COPG2: variants seen among roughly 807,000 people sequenced by gnomAD.
The protein encoded by COPG2 is coat protein complex I subunit gamma 2, also known as coatomer subunit gamma-2.
In COPG2, 37 loss-of-function variants were observed where a neutral mutation model predicts 46.3. That is an observed-to-expected ratio of 0.80 (90% CI 0.61 to 1.05). The LOEUF (loss-of-function observed/expected upper bound fraction) is 1.05. Among genes scored for constraint, COPG2 ranks in the 50% least tolerant of loss-of-function variants. The pLI is 0.00. For missense variants in COPG2, 427 were observed against 387.8 expected, an observed-to-expected ratio of 1.10 and a Z score of -0.85; for synonymous variants, 159 against 129.7, an observed-to-expected ratio of 1.23 and a Z score of -1.53.
At chr7:130,530,497 A>T (rs1156559267) in intron 20 of COPG2, among the ~76,000 whole-genome samples, 1 of 152,236 alleles carries the variant, frequency 6.6e-6, no homozygotes, top group African/African-American at 2.4e-5. Context: ...GTTCTTGAAG[A>T]GAAGGTGGGA....
In COPG2 at chr7:130,513,381, GTGTGTGTGTA is replaced by G. The variant is rs1554441342; in HGVS notation, c.2150-4732_2150-4723del. ...TGTGTATATATATATATATATGTGT[GTGTGTGTGTA>G]TATATATATATACACATATACATAT... On this transcript the variant is annotated intron_variant, in intron 20 of 23. Coordinates refer to ENST00000425248, the MANE Select transcript of COPG2 (RefSeq NM_012133.6). Among the ~76,000 whole-genome samples, 688 of 96,504 alleles carry G rather than the reference GTGTGTGTGTA, an allele frequency of 7.1e-3. 11 individuals carry two copies. The highest frequency in any genetic ancestry group is 0.012 in the East Asian group (36 of 2,964). 63.3% of individuals were successfully genotyped at this position (96,504 alleles called of 152,430 possible).
At chr7:130,506,875 T>C (rs1459996845) in intron 23 of COPG2, 69 bp from the exon 24 acceptor site, 3 of 699,334 alleles carry the variant, frequency 4.3e-6, no homozygotes, top group Non-Finnish European at 5.2e-6. Flanking sequence ...AAATTTATCA[T>C]GCTATCCCTG....
intron 1 of COPG2, among the ~76,000 whole-genome samples, chr7:130,668,297 G>A (rs1199832748): frequency 6.6e-6 from 1 of 151,958 alleles, no homozygotes; most frequent in Non-Finnish European, 1.5e-5. Context: ...ACCCCTGGAC[G>A]CGGAGACGCG....
At chr7:130,665,885 A>G (rs1462425920) in intron 3 of COPG2, among the ~76,000 whole-genome samples, 2 of 152,092 alleles carry the variant, frequency 1.3e-5, no homozygotes, top group Non-Finnish European at 2.9e-5. Flanking sequence ...AACAGCAGCA[A>G]GCAGAATCTA....
At chr7:130,630,473 A>G (rs1795208047) in intron 5 of COPG2, among the ~76,000 whole-genome samples, 1 of 152,220 alleles carries the variant, frequency 6.6e-6, no homozygotes, top group Non-Finnish European at 1.5e-5. Flanking sequence ...TTTTCTACAT[A>G]GACAATGTCA....
intron 6 of COPG2, among the ~76,000 whole-genome samples, chr7:130,616,569 G>A (rs1487410710): frequency 2.0e-5 from 3 of 152,086 alleles, no homozygotes; most frequent in South Asian, 2.1e-4. Flanking sequence ...CAGCCTGGGC[G>A]AAAGCACGAG....
chr7:130,624,359 G>A (rs1795083908), intron 5 of COPG2, among the ~76,000 whole-genome samples: 1 of 152,132 alleles, frequency 6.6e-6, no homozygotes, highest in Non-Finnish European at 1.5e-5. Flanking sequence ...TGTTGTAAAT[G>A]GGGTTCTATC....
At chr7:130,514,979 C>T (rs1291159795) in intron 20 of COPG2, among the ~76,000 whole-genome samples, 6 of 152,102 alleles carry the variant, frequency 3.9e-5, no homozygotes, top group African/African-American at 1.4e-4. Flanking sequence ...TCAGTAGACT[C>T]GCTCTTGATG....
chr7:130,617,044 TC>T lies in COPG2; in HGVS notation c.344del (p.Gly115GlufsTer30). On this transcript the variant is annotated frameshift_variant, in exon 6 of 24. Coordinates refer to ENST00000425248, the MANE Select transcript of COPG2 (RefSeq NM_012133.6). LOFTEE classifies it high-confidence loss of function. ...CCGGGCCTCGGTATACATCTTCTTT[TC>T]CAGTCATGTCTTTAGTCAGACTAAG... ...VTSSLTKDMT[G>X]KEDVYRGPAI... 1 of 1,610,196 alleles carries T rather than the reference TC, an allele frequency of 6.2e-7. No individual in the cohort carries two copies. Among genetic ancestry groups the T allele is most frequent in the Non-Finnish European group, 8.5e-7 (1 of 1,177,310 alleles).
At chr7:130,645,297 G>A (rs1554457985) in intron 5 of COPG2, 9 of 609,848 alleles carry the variant, frequency 1.5e-5, no homozygotes, top group East Asian at 8.1e-5. Context: ...ACTCCTTCAC[G>A]ACGCAATGGG....
intron 5 of COPG2, among the ~76,000 whole-genome samples, chr7:130,640,164 T>G (rs964687507): frequency 1.4e-5 from 2 of 139,854 alleles, no homozygotes; most frequent in Admixed American, 1.4e-4. Context: ...CAACCTTTTT[T>G]TTTTTTTTTT....
Position 130,646,973 on chromosome 7 carries a change from A to G in COPG2, c.323+5896T>C, listed in dbSNP as rs1216211527. On this transcript the variant is annotated intron_variant, in intron 5 of 23. Transcript: ENST00000425248. The stretch of plus-strand genomic sequence containing the variant: ...TATATATATGCATATATATATGTGT[A>G]TATATATATGTATATATATATATGT... 1.8e-3 allele frequency among the ~76,000 whole-genome samples: 160 copies of G among 88,398 alleles called. 1 individual carries two copies. Among genetic ancestry groups the G allele is most frequent in the African/African-American group, 0.016 (138 of 8,548 alleles). 58.0% of individuals were successfully genotyped at this position (88,398 alleles called of 152,430 possible).
At chr7:130,604,525 T>G (rs555748972) in intron 9 of COPG2, among the ~76,000 whole-genome samples, 2 of 152,350 alleles carry the variant, frequency 1.3e-5, no homozygotes, top group South Asian at 4.1e-4. Context: ...ACTTCGGATA[T>G]TGACCAGCAA....
chr7:130,631,756 GCAGT>G (rs1387177166), intron 5 of COPG2, among the ~76,000 whole-genome samples: 2 of 151,520 alleles, frequency 1.3e-5, no homozygotes, highest in East Asian at 1.9e-4. Context: ...TTTTCTTTAA[GCAGT>G]CAATTAACTT....
intron 5 of COPG2, among the ~76,000 whole-genome samples, chr7:130,618,378 T>A (rs1326496964): frequency 3.9e-5 from 6 of 152,158 alleles, no homozygotes; most frequent in African/African-American, 1.4e-4. Flanking sequence ...ATTTTAAAAA[T>A]ATTCTGTAAT....
intron 20 of COPG2, among the ~76,000 whole-genome samples, chr7:130,515,508 G>A (rs1043769361): frequency 6.6e-6 from 1 of 152,180 alleles, no homozygotes; most frequent in Non-Finnish European, 1.5e-5. Context: ...TGAGATTTGA[G>A]TAGGGATACA....
chr7:130,511,548 G>C (rs1407180250), intron 20 of COPG2: 1 of 519,830 alleles, frequency 1.9e-6, no homozygotes, highest in Non-Finnish European at 3.8e-6. Flanking sequence ...AATGGTACTG[G>C]AAAGCAACAT....
chr7:130,522,553 T>G (rs1293252815), intron 20 of COPG2, among the ~76,000 whole-genome samples: 2 of 151,878 alleles, frequency 1.3e-5, no homozygotes, highest in African/African-American at 4.8e-5. Flanking sequence ...TGTAGATCTT[T>G]AAGAGAAATC....
chr7:130,550,517 A>C lies in COPG2; in HGVS notation c.1774+7T>G. 1 of 395,674 alleles carries C rather than the reference A, an allele frequency of 2.5e-6. No homozygotes were observed. Among genetic ancestry groups the C allele is most frequent in the Non-Finnish European group, 4.5e-6 (1 of 224,298 alleles). The allele number at this position is 395,674 out of a possible 1,614,324, so 24.5% of individuals were successfully genotyped here. A position where few individuals can be genotyped will look rare whatever the true frequency, so the allele number is the denominator to read the frequency against. ...TACTTATACACAGAAAAATGAATAGAGTGAACCTGCTTTCTGTTCAAAGAC... is the reference window on the plus strand; with the variant it reads ...TACTTATACACAGAAAAATGAATAGCGTGAACCTGCTTTCTGTTCAAAGAC... On this transcript the variant is annotated splice_region_variant and intron_variant, in intron 17 of 23. Coordinates refer to ENST00000425248, the MANE Select transcript of COPG2 (RefSeq NM_012133.6).
Sources: gnomAD v4.1 joint callset for allele counts (sites outside exome capture counted in the v4.1 genomes callset) on GRCh38, gnomAD v4.1.1 for gene constraint, MANE v1.5 for transcripts, NCBI Gene and HGNC (gene_info 2026-07-23, HGNC 2026-07-21) for gene names.